The following ZBTB46 variants were observed in gnomAD, a reference collection of about 807,000 sequenced individuals.
ZBTB46 encodes zinc finger and BTB domain-containing protein 46.
In ZBTB46, 8 loss-of-function variants were observed where a neutral mutation model predicts 44.1. The observed-to-expected ratio is 0.18, with a 90% CI of 0.11 to 0.33. The LOEUF (loss-of-function observed/expected upper bound fraction) is 0.33. Among genes scored for constraint, ZBTB46 ranks in the 10% least tolerant of loss-of-function variants. ZBTB46 has a pLI of 1.00. For synonymous variants in ZBTB46, 409 were observed against 382.3 expected (o/e 1.07, Z -0.81); for missense variants, 651 against 847.7 (o/e 0.77, Z 2.88).
intron 3 of ZBTB46, among the ~76,000 whole-genome samples, chr20:63,762,435 C>T (rs896778362): frequency 6.6e-6 from 1 of 151,980 alleles, no homozygotes; most frequent in South Asian, 2.1e-4. Flanking sequence ...GGGTGGATCA[C>T]GAGGTCAGGA....
In ZBTB46 at chr20:63,747,194, G is replaced by A. The variant is rs747792027; in HGVS notation, c.1506C>T (p.Thr502=). 1.4e-5 allele frequency: 22 copies of A among 1,607,292 alleles called. No individual in the cohort carries two copies. Among genetic ancestry groups the A allele is most frequent in the Middle Eastern group, 1.7e-4 (1 of 5,838 alleles). The stretch of plus-strand genomic sequence containing the variant: ...CGGCCATGCCGCGGCCAGCACAGTC[G>A]GTGCACACACCGTGGCGCCTGGAGC... ...RHGSRRHGVC[T]DCAGRGMAGP... The change falls in exon 5 of 5, where the codon ACC becomes ACT. Residue 502 remains threonine (T), a synonymous_variant. Coordinates refer to ENST00000245663, the MANE Select transcript of ZBTB46 (RefSeq NM_001369741.1).
At chr20:63,831,300 G>T (rs1432584514), upstream of ZBTB46, 1 of 110,428 alleles carries the variant, frequency 9.1e-6, no homozygotes, top group East Asian at 3.4e-4. Context: ...GGCCCCCGCC[G>T]CCCGCGCGCG....
At chr20:63,779,443 G>A (rs571355002) in intron 2 of ZBTB46, among the ~76,000 whole-genome samples, 3 of 115,832 alleles carry the variant, frequency 2.6e-5, no homozygotes, top group East Asian at 2.7e-4. Flanking sequence ...TTTTTGAGAC[G>A]GAGTCTTGCT....
At chr20:63,783,008 T>TA (rs1297800572) in intron 2 of ZBTB46, among the ~76,000 whole-genome samples, 1 of 152,154 alleles carries the variant, frequency 6.6e-6, no homozygotes, top group African/African-American at 2.4e-5. Context: ...CGCACGCCCA[T>TA]AGTCCCAGCT....
chr20:63,827,613 TCAAAAAAAAAAAAA>T (rs2092826589), intron 1 of ZBTB46, among the ~76,000 whole-genome samples: 2 of 98,266 alleles, frequency 2.0e-5, no homozygotes, highest in South Asian at 3.3e-4. Flanking sequence ...AGACTCCGTC[TCAAAAAAAAAAAAA>T]CAAAAAAAAA....
intron 2 of ZBTB46, among the ~76,000 whole-genome samples, chr20:63,782,624 G>C (rs1476693807): frequency 6.6e-6 from 1 of 152,184 alleles, no homozygotes; most frequent in African/African-American, 2.4e-5. Context: ...CCCTGAGCCT[G>C]ACACCCAAAC....
intron 2 of ZBTB46, among the ~76,000 whole-genome samples, chr20:63,785,008 C>A (rs765326763): frequency 6.6e-6 from 1 of 151,584 alleles, no homozygotes; most frequent in East Asian, 1.9e-4. Context: ...CCGAGGCAGG[C>A]GGATCACGAG....
At chr20:63,818,048 G>GC (rs1420160244) in intron 1 of ZBTB46, among the ~76,000 whole-genome samples, 5 of 152,236 alleles carry the variant, frequency 3.3e-5, no homozygotes, top group African/African-American at 1.2e-4. Flanking sequence ...TACAGAGACT[G>GC]CACGGCACCA....
rs780523710 is a variant in ZBTB46, at chr20:63,803,503, G to A, written c.-33-12713C>T. 21 of 985,194 alleles carry A rather than the reference G, an allele frequency of 2.1e-5. No individual in the cohort carries two copies. The highest frequency in any genetic ancestry group is 2.2e-5 in the Non-Finnish European group (18 of 829,910). 61.0% of individuals were successfully genotyped at this position (985,194 alleles called of 1,614,324 possible). A position where few individuals can be genotyped will look rare whatever the true frequency, so the allele number is the denominator to read the frequency against. On this transcript the variant is annotated intron_variant, in intron 1 of 4. Coordinates refer to ENST00000245663, the MANE Select transcript of ZBTB46 (RefSeq NM_001369741.1). The surrounding 1 kb of genome is among the most constrained non-coding windows in gnomAD (Gnocchi z 4.0). ...GATGAGGACTTTAGGTTTTCCACAT[G>A]GCAGCCCCCATGTGGCCATCTGAAG...
At chr20:63,764,125 C>T (rs1007422970) in intron 3 of ZBTB46, among the ~76,000 whole-genome samples, 6 of 152,004 alleles carry the variant, frequency 3.9e-5, no homozygotes, top group African/African-American at 1.4e-4. Flanking sequence ...TGAGCCATTA[C>T]ACCCAGCTAA....
intron 3 of ZBTB46, among the ~76,000 whole-genome samples, chr20:63,756,840 G>A (rs960987616): frequency 6.6e-6 from 1 of 152,216 alleles, no homozygotes; most frequent in Non-Finnish European, 1.5e-5. Flanking sequence ...GGAGGATGTG[G>A]TTGTTTGTGG....
At chr20:63,812,334 C>T (rs1283041081) in intron 1 of ZBTB46, among the ~76,000 whole-genome samples, 2 of 151,836 alleles carry the variant, frequency 1.3e-5, no homozygotes, top group Non-Finnish European at 2.9e-5. Context: ...ATAGTGAAAC[C>T]CCGTCTCTAC....
chr20:63,807,458 C>T (rs2092688869), intron 1 of ZBTB46, among the ~76,000 whole-genome samples: 1 of 152,192 alleles, frequency 6.6e-6, no homozygotes. Context: ...GATTCTCCCA[C>T]CTCAGCCTCC....
chr20:63,828,812 A>C (rs1167680687), intron 1 of ZBTB46, among the ~76,000 whole-genome samples: 1 of 152,236 alleles, frequency 6.6e-6, no homozygotes, highest in Non-Finnish European at 1.5e-5. Context: ...TCCAGTTCTC[A>C]GGCTGTGGAG....
chr20:63,799,135 A>T (rs1410618738), intron 1 of ZBTB46, among the ~76,000 whole-genome samples: 1 of 151,438 alleles, frequency 6.6e-6, no homozygotes, highest in Non-Finnish European at 1.5e-5. Context: ...GGCTCAAGCA[A>T]TTCTCCCACC....
chr20:63,769,655 G>A (rs1013456578), intron 3 of ZBTB46, among the ~76,000 whole-genome samples: 6 of 152,136 alleles, frequency 3.9e-5, no homozygotes, highest in East Asian at 1.9e-4. Flanking sequence ...AAGTCGGAGC[G>A]TGAACACCTC....
At chr20:63,832,145 C>T (rs2092855433), upstream of ZBTB46, among the ~76,000 whole-genome samples, 1 of 152,132 alleles carries the variant, frequency 6.6e-6, no homozygotes, top group South Asian at 2.1e-4. The surrounding 1 kb of genome is among the most constrained non-coding windows in gnomAD (Gnocchi z 5.0). Context: ...CGCCCCAGCC[C>T]GTGTGCAGCC....
At position 63,775,803 on chromosome 20, in the gene ZBTB46, G is replaced by A. The variant is rs749061407; in HGVS notation, c.1097C>T (p.Ala366Val). The A allele has an allele frequency of 2.5e-6, 4 of 1,613,404 alleles. No homozygotes were observed. The highest frequency in any genetic ancestry group is 2.2e-5 in the East Asian group (1 of 44,872). ...GAGCGCCGCGCGCAGGTTGGCCACC[G>A]CGGTGGCCTGATGCAGGGCGTCGTC... ...EKDDALHQAT[A>V]VANLRAALMS... The change falls in exon 3 of 5, where the codon GCG becomes GTG. Residue 366 changes from alanine (A) to valine (V), a missense_variant. Coordinates refer to ENST00000245663, the MANE Select transcript of ZBTB46 (RefSeq NM_001369741.1).
chr20:63,823,105 T>C (rs1401102085), intron 1 of ZBTB46, among the ~76,000 whole-genome samples: 6 of 150,546 alleles, frequency 4.0e-5, no homozygotes, highest in African/African-American at 1.5e-4. Flanking sequence ...GAGGTGGAGA[T>C]TGCAGTGAGC....
Sources: allele counts gnomAD v4.1 joint callset (sites outside exome capture counted in the v4.1 genomes callset), GRCh38; gene constraint gnomAD v4.1.1; non-coding constraint Gnocchi (gnomAD v3.1); transcripts MANE v1.5; gene names NCBI Gene and HGNC (gene_info 2026-07-23, HGNC 2026-07-21).